The following BAIAP2 variants were observed in gnomAD, a reference collection of about 807,000 sequenced individuals.
The protein encoded by BAIAP2 is BAR/IMD domain-containing adapter protein 2.
Under a neutral mutation model 63.0 loss-of-function variants are expected in BAIAP2, and 18 were observed. That is an observed-to-expected ratio of 0.29 (90% CI 0.20 to 0.42). The LOEUF is 0.42. BAIAP2 is among the 10% of genes least tolerant of loss of function. The pLI, the probability that BAIAP2 is intolerant of heterozygous loss-of-function variation, is 1.00. For missense variants in BAIAP2, 610 were observed against 734.3 expected (o/e 0.83, Z 1.96); for synonymous variants, 386 against 307.6 (o/e 1.25, Z -2.67).
At chr17:81,043,828 G>T (rs1013491075) in intron 1 of BAIAP2, among the ~76,000 whole-genome samples, 1 of 152,270 alleles carries the variant, frequency 6.6e-6, no homozygotes, top group African/African-American at 2.4e-5. Context: ...TGGCTCTCCA[G>T]CCGCGCGTCT....
At chr17:81,110,364 G>A (rs764331789) in intron 13 of BAIAP2, 38 of 986,558 alleles carry the variant, frequency 3.9e-5, no homozygotes, top group Non-Finnish European at 4.3e-5. Flanking sequence ...CATGCTCAAT[G>A]GATGAATGTA....
rs533634092 is a variant in BAIAP2 at position 81,054,552 on chromosome 17, C to G, written c.130+809C>G. Among the ~76,000 whole-genome samples the G allele has an allele frequency of 4.6e-5, 7 of 152,266 alleles. No individual in the cohort carries two copies. In the South Asian group the frequency reaches 1.5e-3, roughly 32 times the overall value. On this transcript the variant is annotated intron_variant, in intron 2 of 13. Transcript: ENST00000428708. ...GCTCTTGTCCTGTGGCATCTAGAGA[C>G]GGGAGGGGTGCGGATGTCAGTCCCT...
At chr17:81,063,209 AG>A (rs1568099465) in intron 3 of BAIAP2, among the ~76,000 whole-genome samples, 1 of 152,020 alleles carries the variant, frequency 6.6e-6, no homozygotes, top group East Asian at 1.9e-4. Context: ...GGAGCGTATG[AG>A]GGGGTGAGGC....
At chr17:81,055,569 G>GTTTTTTTTTTTTT (rs1555657837) in intron 2 of BAIAP2, among the ~76,000 whole-genome samples, 7,439 of 91,766 alleles carry the variant, frequency 0.081, 447 homozygotes, top group Non-Finnish European at 0.12. Context: ...TCTGCAGGGT[G>GTTTTTTTTTTTTT]TTTTGTTTTT....
Position 81,106,777 on chromosome 17 carries a change from A to G in BAIAP2, c.1370A>G (p.Asn457Ser). ...LQQGKSSSTG[N>S]LLDKDDLAIP... ...CAAGGGAAGAGCAGCAGCACGGGCA[A>G]CCTCCTGGACAAGGACGACCTGGCC... Residue 457 changes from asparagine to serine, a missense_variant, in exon 12 of 14, where the codon AAC becomes AGC. By Grantham distance (46) the Asn-to-Ser change is conservative. This residue lies in a region of BAIAP2 where 11 missense variants were observed against 25.2 expected (regional missense o/e 0.44). Coordinates refer to ENST00000428708, the MANE Select transcript of BAIAP2 (RefSeq NM_001144888.2). 2 of 1,612,504 alleles carry G rather than the reference A, an allele frequency of 1.2e-6. No homozygotes were observed. Among genetic ancestry groups the G allele is most frequent in the Non-Finnish European group, 1.7e-6 (2 of 1,179,764 alleles).
intron 6 of BAIAP2, among the ~76,000 whole-genome samples, chr17:81,092,973 C>A (rs903092655): frequency 6.6e-6 from 1 of 152,040 alleles, no homozygotes; most frequent in Non-Finnish European, 1.5e-5. Flanking sequence ...CAGAGCCCAG[C>A]CTGTGCCCAC....
chr17:81,076,070 C>T (rs894530663), intron 3 of BAIAP2, among the ~76,000 whole-genome samples: 5 of 152,004 alleles, frequency 3.3e-5, no homozygotes, highest in African/African-American at 4.8e-5. Context: ...GGGTCAGGGG[C>T]AGTGAGGCAG....
At position 81,057,943 on chromosome 17, in the gene BAIAP2, G is replaced by A. The variant is rs1427755770; in HGVS notation, c.193G>A (p.Glu65Lys). The A allele has an allele frequency of 1.3e-6, 2 of 1,577,928 alleles. No individual in the cohort carries two copies. Among genetic ancestry groups the A allele is most frequent in the South Asian group, 1.1e-5 (1 of 88,950 alleles). ...ALVKMGELAS[E>K]SQGSKELGDV... ...GGTGAAGATGGGGGAGCTGGCCAGC[G>A]AGAGCCAGGGCTCCAAAGAACTCGG... The change falls in exon 3 of 14, where the codon GAG (glutamate) becomes AAG (lysine). Residue 65 changes from glutamate (E) to lysine (K), a missense_variant. Glu to Lys is a moderately conservative substitution (Grantham distance 56). Transcript: ENST00000428708.
chr17:81,103,244 C>T (rs879839482), intron 7 of BAIAP2, among the ~76,000 whole-genome samples: 6 of 152,236 alleles, frequency 3.9e-5, no homozygotes, highest in Admixed American at 1.3e-4. Flanking sequence ...GCCCCGCGGG[C>T]GTTGAGCCTG....
At chr17:81,081,959 G>T (rs929444040) in intron 3 of BAIAP2, among the ~76,000 whole-genome samples, 7 of 152,146 alleles carry the variant, frequency 4.6e-5, no homozygotes, top group African/African-American at 1.7e-4. Flanking sequence ...CAGGGCTGGG[G>T]CTGGCATCCG....
At chr17:81,074,607 G>A (rs537821751) in intron 3 of BAIAP2, among the ~76,000 whole-genome samples, 6 of 150,144 alleles carry the variant, frequency 4.0e-5, no homozygotes, top group East Asian at 2.0e-4. Flanking sequence ...GTGCGTGCAC[G>A]GATGCGTGAG....
intron 3 of BAIAP2, among the ~76,000 whole-genome samples, chr17:81,082,383 C>T (rs1409899350): frequency 2.0e-5 from 3 of 152,214 alleles, no homozygotes; most frequent in Non-Finnish European, 2.9e-5. Flanking sequence ...TCCCTCTTCA[C>T]GGTGGCCAGG....
At chr17:81,041,508 G>A (rs2047070511) in intron 1 of BAIAP2, among the ~76,000 whole-genome samples, 1 of 152,204 alleles carries the variant, frequency 6.6e-6, no homozygotes, top group South Asian at 2.1e-4. Flanking sequence ...ATACTTACTG[G>A]AACAGTTGTC....
At chr17:81,114,940 C>T (rs568143047) in intron 13 of BAIAP2, among the ~76,000 whole-genome samples, 19 of 152,370 alleles carry the variant, frequency 1.2e-4, no homozygotes, top group East Asian at 9.6e-4. Context: ...ACAGTCCCGT[C>T]CCTGCTGCGT....
intron 6 of BAIAP2, among the ~76,000 whole-genome samples, chr17:81,099,517 A>G (rs1012504475): frequency 4.6e-5 from 7 of 152,126 alleles, no homozygotes; most frequent in African/African-American, 1.7e-4. Context: ...GGGAAGGACC[A>G]AGAAGCTGTC....
At chr17:81,043,560 C>T (rs1283509429) in intron 1 of BAIAP2, among the ~76,000 whole-genome samples, 1 of 152,212 alleles carries the variant, frequency 6.6e-6, no homozygotes, top group African/African-American at 2.4e-5. Context: ...GACGGCTGGG[C>T]CCACAGCGTC....
intron 3 of BAIAP2, among the ~76,000 whole-genome samples, chr17:81,076,794 C>T (rs1182737794): frequency 1.3e-5 from 2 of 152,108 alleles, no homozygotes; most frequent in Non-Finnish European, 2.9e-5. Flanking sequence ...CATAGTGAGA[C>T]CCCATGTCTA....
chr17:81,037,282 C>G (rs2046408475), intron 1 of BAIAP2, among the ~76,000 whole-genome samples: 1 of 152,206 alleles, frequency 6.6e-6, no homozygotes, highest in South Asian at 2.1e-4. Flanking sequence ...CGCGGTGGGC[C>G]GCAGGTGTCT....
chr17:81,093,875 G>A (rs1224047777), intron 6 of BAIAP2, among the ~76,000 whole-genome samples: 1 of 152,172 alleles, frequency 6.6e-6, no homozygotes, highest in African/African-American at 2.4e-5. Flanking sequence ...CGGGGGGTGT[G>A]AAGCCCATCC....
Sources: allele counts gnomAD v4.1 joint callset (sites outside exome capture counted in the v4.1 genomes callset), GRCh38; gene constraint gnomAD v4.1.1; regional missense constraint gnomAD v4.1.1; transcripts MANE v1.5; gene names NCBI Gene and HGNC (gene_info 2026-07-23, HGNC 2026-07-21).